The following DTNB variants were observed in gnomAD, a reference collection of about 807,000 sequenced individuals.
DTNB encodes dystrobrevin beta, also known as DTN-B.
DTNB carries 63 observed loss-of-function variants against 90.7 expected under a neutral mutation model. The observed-to-expected ratio is 0.69, with a 90% CI of 0.57 to 0.86. The LOEUF is 0.86. DTNB is among the 40% of genes least tolerant of loss of function. The pLI, the probability that DTNB is intolerant of heterozygous loss-of-function variation, is 0.00. For missense variants in DTNB, 744 were observed against 807.1 expected (o/e 0.92, Z 0.95); for synonymous variants, 277 against 286.7 (o/e 0.97, Z 0.34).
chr2:25,479,936 T>G (rs1375177354), intron 10 of DTNB, among the ~76,000 whole-genome samples: 1 of 152,174 alleles, frequency 6.6e-6, no homozygotes, highest in African/African-American at 2.4e-5. Context: ...GCTCTGTGGC[T>G]GGCAAGACGT....
At chr2:25,423,727 T>C (rs2149841587) in intron 15 of DTNB, among the ~76,000 whole-genome samples, 1 of 151,738 alleles carries the variant, frequency 6.6e-6, no homozygotes. Flanking sequence ...TGGTGTGATC[T>C]CGGCTCACTG....
At chr2:25,575,096 G>A (rs1425363947) in intron 8 of DTNB, among the ~76,000 whole-genome samples, 1 of 151,866 alleles carries the variant, frequency 6.6e-6, no homozygotes, top group Non-Finnish European at 1.5e-5. Flanking sequence ...TTCAAACCAG[G>A]GGGAATAAGA....
At chr2:25,590,192 G>A (rs923109950) in intron 6 of DTNB, among the ~76,000 whole-genome samples, 12 of 152,238 alleles carry the variant, frequency 7.9e-5, no homozygotes, top group African/African-American at 2.9e-4. Context: ...GCTCCCCAGA[G>A]GGGTACAGCT....
At position 25,387,086 on chromosome 2, in the gene DTNB, T is replaced by A; in HGVS notation, c.1825+203A>T. On this transcript the variant is annotated intron_variant, in intron 18 of 20. Coordinates refer to ENST00000406818, the MANE Select transcript of DTNB (RefSeq NM_021907.5). The surrounding 1 kb of genome is among the most constrained non-coding windows in gnomAD (Gnocchi z 4.5). The stretch of plus-strand genomic sequence containing the variant: ...GATGCACTCCTGAGATAGGCCTGAA[T>A]GTGAAACCGCCCCTACGCGATCCTG... The A allele has an allele frequency of 1.8e-6, 1 of 549,476 alleles. No homozygotes were observed. Among genetic ancestry groups the A allele is most frequent in the East Asian group, 2.8e-5 (1 of 35,114 alleles). The allele number at this position is 549,476 out of a possible 1,614,324, so 34.0% of individuals were successfully genotyped here. A position where few individuals can be genotyped will look rare whatever the true frequency, so the allele number is the denominator to read the frequency against.
intron 12 of DTNB, among the ~76,000 whole-genome samples, chr2:25,434,287 G>A (rs1488590174): frequency 6.6e-6 from 1 of 151,292 alleles, no homozygotes; most frequent in Non-Finnish European, 1.5e-5. Context: ...TCTGCTTTCT[G>A]TCTATAGTTC....
intron 2 of DTNB, among the ~76,000 whole-genome samples, chr2:25,643,154 T>G (rs1257053088): frequency 6.6e-6 from 1 of 151,996 alleles, no homozygotes; most frequent in East Asian, 1.9e-4. Flanking sequence ...AAATTTCACC[T>G]CACACCCAAC....
chr2:25,432,035 A>G (rs961720976), intron 14 of DTNB, among the ~76,000 whole-genome samples: 1 of 152,162 alleles, frequency 6.6e-6, no homozygotes, highest in Non-Finnish European at 1.5e-5. Flanking sequence ...TCTACAGAAA[A>G]CAATAATCTC....
intron 9 of DTNB, among the ~76,000 whole-genome samples, chr2:25,526,892 T>C (rs376360018): frequency 1.4e-4 from 21 of 152,144 alleles, no homozygotes; most frequent in African/African-American, 4.8e-4. Flanking sequence ...CCACATATCA[T>C]AGTAATGATG....
chr2:25,613,446 G>A (rs2069219981), intron 4 of DTNB, among the ~76,000 whole-genome samples: 1 of 152,028 alleles, frequency 6.6e-6, no homozygotes, highest in Non-Finnish European at 1.5e-5. Flanking sequence ...CCATGTTTAT[G>A]TCCATGAGTA....
intron 10 of DTNB, among the ~76,000 whole-genome samples, chr2:25,476,664 T>C (rs907363898): frequency 2.0e-5 from 3 of 152,142 alleles, no homozygotes; most frequent in African/African-American, 7.2e-5. Flanking sequence ...GAACTAGAAT[T>C]AGGTGTGAAG....
intron 6 of DTNB, among the ~76,000 whole-genome samples, chr2:25,584,539 T>C (rs1356847416): frequency 6.6e-6 from 1 of 151,936 alleles, no homozygotes; most frequent in Non-Finnish European, 1.5e-5. Context: ...AGTGACTTAG[T>C]TTTCTTTTAT....
intron 9 of DTNB, among the ~76,000 whole-genome samples, chr2:25,509,746 C>CTTTT (rs36101268): frequency 1.3e-3 from 105 of 83,714 alleles, no homozygotes; most frequent in Non-Finnish European, 1.4e-3. Flanking sequence ...CTTTTAGATT[C>CTTTT]TTTTTTTTTT....
chr2:25,605,133 T>A (rs2066823046), intron 5 of DTNB, among the ~76,000 whole-genome samples: 1 of 152,216 alleles, frequency 6.6e-6, no homozygotes. Context: ...GTTGAACATC[T>A]CAAGCCCAAG....
At chr2:25,552,564 C>A (rs1324345364) in intron 8 of DTNB, among the ~76,000 whole-genome samples, 1 of 152,210 alleles carries the variant, frequency 6.6e-6, no homozygotes, top group East Asian at 1.9e-4. Context: ...TCATTAGCAG[C>A]AATGCTCGCC....
At chr2:25,441,236 T>A (rs1364622750) in intron 12 of DTNB, among the ~76,000 whole-genome samples, 4 of 152,192 alleles carry the variant, frequency 2.6e-5, no homozygotes, top group African/African-American at 7.2e-5. Context: ...AAAAACCCAG[T>A]TGGGGCCATT....
At chr2:25,518,790 G>A (rs1163711188) in intron 9 of DTNB, among the ~76,000 whole-genome samples, 1 of 152,146 alleles carries the variant, frequency 6.6e-6, no homozygotes, top group East Asian at 1.9e-4. Context: ...CTGAAACGGA[G>A]CAAAACAGGT....
At chr2:25,513,295 A>G (rs974611261) in intron 9 of DTNB, among the ~76,000 whole-genome samples, 1 of 152,254 alleles carries the variant, frequency 6.6e-6, no homozygotes, top group Admixed American at 6.5e-5. Flanking sequence ...GGGAAGAAAT[A>G]AATGTCAAAG....
At chr2:25,541,150 A>G (rs1479461129) in intron 8 of DTNB, among the ~76,000 whole-genome samples, 2 of 152,160 alleles carry the variant, frequency 1.3e-5, no homozygotes, top group Non-Finnish European at 2.9e-5. Context: ...AGCAAGAATA[A>G]AGTTCACTGC....
In DTNB at chr2:25,437,258, C is replaced by T. The variant is rs183162995; in HGVS notation, c.1258-3263G>A. 1.7e-3 allele frequency among the ~76,000 whole-genome samples: 253 copies of T among 151,796 alleles called. 1 individual carries two copies. In the Middle Eastern group the frequency reaches 0.02, roughly 12 times the overall value. On this transcript the variant is annotated intron_variant, in intron 12 of 20. Coordinates refer to ENST00000406818, the MANE Select transcript of DTNB (RefSeq NM_021907.5). The stretch of plus-strand genomic sequence containing the variant: ...AATAACAGAAACTTAGAACTTTTAT[C>T]TATGTACTTTTTTTTTTTTTTGAGA...
Sources: gnomAD v4.1 joint callset for allele counts (sites outside exome capture counted in the v4.1 genomes callset) on GRCh38, gnomAD v4.1.1 for gene constraint, Gnocchi (gnomAD v3.1) non-coding constraint, MANE v1.5 for transcripts, NCBI Gene and HGNC (gene_info 2026-07-23, HGNC 2026-07-21) for gene names.